FAT3: variants seen among roughly 807,000 people sequenced by gnomAD.
The protein encoded by FAT3 is protocadherin Fat 3.
In FAT3, 95 loss-of-function variants were observed where a neutral mutation model predicts 310.2. The ratio of observed to expected loss-of-function variants is 0.31; its 90% CI spans 0.26 to 0.36. The LOEUF (loss-of-function observed/expected upper bound fraction) is 0.36. FAT3 is among the 10% of genes least tolerant of loss of function. The pLI is 1.00. For synonymous variants in FAT3, 2,314 were observed against 2,192.9 expected (o/e 1.06, Z -1.54); for missense variants, 5,408 against 5,715.6 (o/e 0.95, Z 1.74).
At chr11:92,350,293 A>G (rs1193307634) in intron 1 of FAT3, among the ~76,000 whole-genome samples, 1 of 152,034 alleles carries the variant, frequency 6.6e-6, no homozygotes, top group East Asian at 1.9e-4. Flanking sequence ...AACCTTGGAT[A>G]TGAAAGGGTT....
At chr11:92,704,904 C>T (rs1944222998) in intron 4 of FAT3, among the ~76,000 whole-genome samples, 1 of 152,184 alleles carries the variant, frequency 6.6e-6, no homozygotes, top group African/African-American at 2.4e-5. Flanking sequence ...GGGACTGCAG[C>T]AACTACAATA....
intron 4 of FAT3, among the ~76,000 whole-genome samples, chr11:92,756,464 A>G (rs1945993520): frequency 6.6e-6 from 1 of 152,242 alleles, no homozygotes; most frequent in Admixed American, 6.5e-5. Flanking sequence ...GATATGTAAT[A>G]TCTGAAGAAT....
At chr11:92,712,212 C>A (rs549202032) in intron 4 of FAT3, among the ~76,000 whole-genome samples, 1 of 152,128 alleles carries the variant, frequency 6.6e-6, no homozygotes, top group South Asian at 2.1e-4. Context: ...TCAGATGATG[C>A]AGGTAGAATA....
At chr11:92,777,245 G>A (rs1477662272) in intron 7 of FAT3, among the ~76,000 whole-genome samples, 4 of 152,146 alleles carry the variant, frequency 2.6e-5, no homozygotes, top group Non-Finnish European at 5.9e-5. Flanking sequence ...ATGACATGGG[G>A]TTCAAGTCAT....
chr11:92,289,680 TA>T (rs1946645778), intron 1 of FAT3, among the ~76,000 whole-genome samples: 1 of 152,112 alleles, frequency 6.6e-6, no homozygotes. Context: ...GAAGACAGGG[TA>T]AAAATGTTAT....
At chr11:92,611,901 C>T (rs149507809) in intron 3 of FAT3, among the ~76,000 whole-genome samples, 145 of 152,308 alleles carry the variant, frequency 9.5e-4, no homozygotes, top group African/African-American at 3.3e-3. Flanking sequence ...TTTGTTTTCA[C>T]CGCATACCCC....
intron 3 of FAT3, among the ~76,000 whole-genome samples, chr11:92,562,164 C>A (rs893413594): frequency 2.6e-5 from 4 of 152,134 alleles, no homozygotes; most frequent in African/African-American, 9.7e-5. Flanking sequence ...CAGTAACAAA[C>A]ATTCAGTTTT....
chr11:92,789,186 G>A (rs894043305), intron 7 of FAT3, among the ~76,000 whole-genome samples: 3 of 152,106 alleles, frequency 2.0e-5, no homozygotes, highest in South Asian at 4.1e-4. Context: ...GATGCATACC[G>A]AAATTACATG....
chr11:92,888,228 G>A (rs879900706), intron 25 of FAT3, among the ~76,000 whole-genome samples: 10 of 152,182 alleles, frequency 6.6e-5, no homozygotes, highest in Admixed American at 1.3e-4. Flanking sequence ...TCACCTAACA[G>A]TGGACTTTTT....
At chr11:92,671,067 CAG>C (rs1409316586) in intron 3 of FAT3, among the ~76,000 whole-genome samples, 3 of 151,584 alleles carry the variant, frequency 2.0e-5, no homozygotes, top group Admixed American at 1.3e-4. Flanking sequence ...TTTTTTAAGA[CAG>C]AGTCTCGCTC....
rs556773350 is a variant in FAT3 at position 92,404,807 on chromosome 11, T to C, written c.3292+49403T>C. Among the ~76,000 whole-genome samples, 3 of 152,094 alleles carry C rather than the reference T, an allele frequency of 2.0e-5. No homozygotes were observed. The South Asian group carries it at 6.2e-4, about 32-fold the overall frequency. ...CTCAACCCAATCCATTGAGAGCTCA[T>C]GTAGAACAAAAAGGCAGAAGAAGGG... On this transcript the variant is annotated intron_variant, in intron 2 of 27. Coordinates refer to ENST00000525166, the MANE Select transcript of FAT3 (RefSeq NM_001367949.2).
intron 13 of FAT3, among the ~76,000 whole-genome samples, chr11:92,820,528 C>T (rs1356889612): frequency 6.6e-6 from 1 of 152,082 alleles, no homozygotes; most frequent in Non-Finnish European, 1.5e-5. Context: ...ATCACTTGCC[C>T]CAGGGGAAGA....
intron 6 of FAT3, among the ~76,000 whole-genome samples, chr11:92,767,564 C>T (rs1410015567): frequency 6.6e-6 from 1 of 152,162 alleles, no homozygotes; most frequent in Admixed American, 6.5e-5. Context: ...AATGGTCAGT[C>T]TCACCAGCTG....
chr11:92,788,564 A>G (rs751943442), intron 7 of FAT3, among the ~76,000 whole-genome samples: 2 of 152,174 alleles, frequency 1.3e-5, no homozygotes, highest in Non-Finnish European at 2.9e-5. Context: ...TTTTTAATGA[A>G]TTATCTGTAT....
At chr11:92,323,778 C>T (rs1412433375) in intron 1 of FAT3, among the ~76,000 whole-genome samples, 1 of 152,154 alleles carries the variant, frequency 6.6e-6, no homozygotes, top group Non-Finnish European at 1.5e-5. Context: ...AGCTTAAAGT[C>T]ACCAGCTGCA....
At chr11:92,537,842 C>A (rs1197871371) in intron 3 of FAT3, among the ~76,000 whole-genome samples, 1 of 152,078 alleles carries the variant, frequency 6.6e-6, no homozygotes, top group Admixed American at 6.6e-5. Flanking sequence ...AGGAGAGAGG[C>A]TCAGGAAAGA....
chr11:92,590,765 G>A (rs926578770), intron 3 of FAT3, among the ~76,000 whole-genome samples: 6 of 152,074 alleles, frequency 3.9e-5, no homozygotes, highest in Non-Finnish European at 5.9e-5. Context: ...CTGATGCTGA[G>A]GAACAGAAAA....
At chr11:92,649,027 T>C (rs1461610001) in intron 3 of FAT3, among the ~76,000 whole-genome samples, 1 of 152,188 alleles carries the variant, frequency 6.6e-6, no homozygotes, top group East Asian at 1.9e-4. Context: ...ATCTTTATAA[T>C]TTAGCTTCAA....
intron 2 of FAT3, among the ~76,000 whole-genome samples, chr11:92,488,943 C>T (rs1320070894): frequency 2.0e-5 from 3 of 152,182 alleles, no homozygotes; most frequent in Admixed American, 1.3e-4. Flanking sequence ...CTTCATAAAA[C>T]TAGGAAAGTT....
Sources: gnomAD v4.1 joint callset for allele counts (sites outside exome capture counted in the v4.1 genomes callset) on GRCh38, gnomAD v4.1.1 for gene constraint, MANE v1.5 for transcripts, NCBI Gene and HGNC (gene_info 2026-07-23, HGNC 2026-07-21) for gene names.